Variants in MIB1 observed in about 807,000 individuals in gnomAD.
MIB1 encodes E3 ubiquitin-protein ligase MIB1.
In MIB1, 278 loss-of-function variants were observed where a neutral mutation model predicts 124.5. The observed-to-expected ratio is 2.23, with a 90% CI of 2.02 to 2.47. The LOEUF is 2.47. MIB1 is among the 30% of genes most tolerant of loss of function. The pLI, the probability that MIB1 is intolerant of heterozygous loss-of-function variation, is 0.00. For missense variants in MIB1, 957 were observed against 1,254.4 expected, an observed-to-expected ratio of 0.76 and a Z score of 3.58; for synonymous variants, 446 against 429.4, an observed-to-expected ratio of 1.04 and a Z score of -0.48.
Position 21,844,104 on chromosome 18 carries a change from G to A in MIB1, c.2062G>A (p.Ala688Thr). Residue 688 changes from alanine (A) to threonine (T), a missense_variant, in exon 15 of 21, where the codon GCA becomes ACA. Transcript: ENST00000261537. Reference protein sequence around the residue: ...HTQIVRLLVRAGAKLDIQDKD... With the variant: ...HTQIVRLLVRTGAKLDIQDKD... ...CTTTCTCTTTTAGCTTTTGGTCCGT[G>A]CAGGTGCCAAGCTTGATATTCAGGA... The A allele has an allele frequency of 6.2e-7, 1 of 1,613,944 alleles. No individual in the cohort carries two copies. The highest frequency in any genetic ancestry group is 8.5e-7 in the Non-Finnish European group (1 of 1,180,010).
intron 1 of MIB1, among the ~76,000 whole-genome samples, chr18:21,731,153 TG>T (rs1157160189): frequency 6.6e-6 from 1 of 152,232 alleles, no homozygotes. Context: ...CCTTCTGAAT[TG>T]TACGTACCTG....
chr18:21,734,192 C>T lies in MIB1; in HGVS notation n.167+29069C>T, dbSNP rs139720602. ...CACGATTTTGGCTTATTGCAAGCTC[C>T]GCCTCCCGGGTTCACTCCATTCTGC... On this transcript the variant is annotated intron_variant and non_coding_transcript_variant, in intron 1 of 20. Coordinates refer to the MIB1 transcript ENST00000578646. Among the ~76,000 whole-genome samples the T allele has an allele frequency of 8.2e-3, 1,232 of 149,672 alleles. 19 individuals carry two copies. The highest frequency in any genetic ancestry group is 0.027 in the African/African-American group (1,116 of 40,654).
upstream of MIB1, among the ~76,000 whole-genome samples, chr18:21,738,218 TAACA>T (rs1367637811): frequency 6.6e-6 from 1 of 152,148 alleles, no homozygotes; most frequent in Non-Finnish European, 1.5e-5. Context: ...ATGGAAATCA[TAACA>T]AACAGTCTCT....
Position 21,735,483 on chromosome 18 carries a change from T to A in MIB1, n.168-30289T>A, listed in dbSNP as rs545990349. ...GAGCTAGCTGCAAGGGTTTTTTTTT[T>A]TTTTCATACCCCGGTGGCATCTGGA... On this transcript the variant is annotated intron_variant and non_coding_transcript_variant, in intron 1 of 20. Transcript: ENST00000578646. Among the ~76,000 whole-genome samples, 3 of 152,108 alleles carry A rather than the reference T, an allele frequency of 2.0e-5. No individual in the cohort carries two copies. In the East Asian group the frequency reaches 5.8e-4, roughly 29 times the overall value.
chr18:21,811,516 T>C lies in MIB1; in HGVS notation c.1480-4100T>C, dbSNP rs2041773199. On this transcript the variant is annotated intron_variant, in intron 10 of 20. Coordinates refer to ENST00000261537, the MANE Select transcript of MIB1 (RefSeq NM_020774.4). ...ATGAGCAAAATGTGGTATGTGCTTATAATGGTAGATCATTAAACTTAAAAA... is the reference window on the plus strand; with the variant it reads ...ATGAGCAAAATGTGGTATGTGCTTACAATGGTAGATCATTAAACTTAAAAA... Among the ~76,000 whole-genome samples, 3 of 152,128 alleles carry C rather than the reference T, an allele frequency of 2.0e-5. No individual in the cohort carries two copies. The South Asian group carries it at 6.2e-4, about 31-fold the overall frequency.
chr18:21,850,739 G>A (rs1224920125), intron 17 of MIB1, among the ~76,000 whole-genome samples: 2 of 152,130 alleles, frequency 1.3e-5, no homozygotes, highest in Non-Finnish European at 2.9e-5. Context: ...TTAAATAGGT[G>A]TTAACCCTGC....
Position 21,864,708 on chromosome 18 carries a change from A to G in MIB1, c.*42A>G. 1.3e-6 allele frequency: 2 copies of G among 1,523,944 alleles called. No homozygotes were observed. The highest frequency in any genetic ancestry group is 9.0e-7 in the Non-Finnish European group (1 of 1,107,036). The allele number at this position is 1,523,944 out of a possible 1,614,324, so 94.4% of individuals were successfully genotyped here. A position where few individuals can be genotyped will look rare whatever the true frequency, so the allele number is the denominator to read the frequency against. On this transcript the variant is annotated 3_prime_UTR_variant, in exon 21 of 21. Coordinates refer to ENST00000261537, the MANE Select transcript of MIB1 (RefSeq NM_020774.4). Reference sequence around the variant, plus strand: ...ATTTTGTTAGCTAATGTATCTAGTCATGAGATCTTAATAGGCTTTTGATCT... The same window carrying G: ...ATTTTGTTAGCTAATGTATCTAGTCGTGAGATCTTAATAGGCTTTTGATCT...
At chr18:21,717,549 G>GA (rs373530419) in intron 1 of MIB1, among the ~76,000 whole-genome samples, 4 of 150,504 alleles carry the variant, frequency 2.7e-5, no homozygotes, top group Admixed American at 1.3e-4. Flanking sequence ...AAATTAGCAA[G>GA]AAAAAAAACA....
intron 12 of MIB1, among the ~76,000 whole-genome samples, chr18:21,834,165 A>G (rs1230973375): frequency 1.3e-5 from 2 of 152,166 alleles, no homozygotes; most frequent in Admixed American, 6.5e-5. Context: ...GCCTCATGGA[A>G]AGAAAGGAGA....
At chr18:21,844,794 T>C (rs2042121607) in intron 15 of MIB1, among the ~76,000 whole-genome samples, 1 of 152,186 alleles carries the variant, frequency 6.6e-6, no homozygotes, top group African/African-American at 2.4e-5. Flanking sequence ...GTGGTTTAAT[T>C]TGCATTTTCC....
intron 13 of MIB1, among the ~76,000 whole-genome samples, chr18:21,842,157 C>T (rs1880092358): frequency 6.9e-6 from 1 of 144,650 alleles, no homozygotes; most frequent in East Asian, 2.0e-4. Flanking sequence ...TCTGACCACA[C>T]TTCAAAGAAA....
intron 6 of MIB1, 42 bp from the exon 7 acceptor site, chr18:21,791,332 A>T: frequency 6.6e-7 from 1 of 1,506,790 alleles, no homozygotes; most frequent in Non-Finnish European, 8.9e-7. Context: ...TATTAAAATT[A>T]AGCAAAGCTA....
In MIB1 at chr18:21,791,537, T is replaced by A; in HGVS notation, c.1072T>A (p.Trp358Arg). The stretch of plus-strand genomic sequence containing the variant: ...ACTTCTACAAAGAGGACATGGAGAA[T>A]GGGCTGAAGCGATGCTTCCAGTAAG... ...IKLLQRGHGEWAEAMLPTLGK... is the reference protein window; with the variant it reads ...IKLLQRGHGERAEAMLPTLGK... The change falls in exon 7 of 21, where the codon TGG becomes AGG. Residue 358 changes from tryptophan to arginine, a missense_variant. Physicochemically the swap from Trp to Arg is moderately radical, Grantham distance 101. Transcript: ENST00000261537. The A allele has an allele frequency of 6.2e-7, 1 of 1,613,266 alleles. No homozygotes were observed.
intron 1 of MIB1, among the ~76,000 whole-genome samples, chr18:21,764,803 C>T (rs951849812): frequency 6.6e-6 from 1 of 151,954 alleles, no homozygotes; most frequent in South Asian, 2.1e-4. Flanking sequence ...ATAAAACGAC[C>T]TTTTCAAGGA....
At chr18:21,858,068 A>G (rs1217223343) in intron 19 of MIB1, among the ~76,000 whole-genome samples, 1 of 152,250 alleles carries the variant, frequency 6.6e-6, no homozygotes, top group Non-Finnish European at 1.5e-5. Context: ...TCAGATCAGT[A>G]ATAACGAGGA....
chr18:21,786,748 C>G (rs2041440240), intron 6 of MIB1, among the ~76,000 whole-genome samples: 1 of 152,128 alleles, frequency 6.6e-6, no homozygotes, highest in East Asian at 1.9e-4. Flanking sequence ...TTTTTCATTT[C>G]AACAGATACA....
At chr18:21,722,350 G>A (rs887474875) in intron 1 of MIB1, among the ~76,000 whole-genome samples, 1 of 150,658 alleles carries the variant, frequency 6.6e-6, no homozygotes, top group Admixed American at 6.7e-5. Flanking sequence ...CACCACGCCC[G>A]GCCCAGTCTT....
intron 1 of MIB1, among the ~76,000 whole-genome samples, chr18:21,756,665 TG>T (rs2041035391): frequency 1.3e-5 from 2 of 152,102 alleles, no homozygotes; most frequent in South Asian, 4.1e-4. Context: ...GGTTTCGCCA[TG>T]TTGGCTAGGC....
chr18:21,831,340 C>G (rs2041980318), intron 12 of MIB1: 1 of 147,220 alleles, frequency 6.8e-6, no homozygotes, highest in African/African-American at 2.5e-5. Flanking sequence ...ATCCAGAGGT[C>G]AAGTCTGCAA....
Sources: gnomAD v4.1 joint callset for allele counts (sites outside exome capture counted in the v4.1 genomes callset) on GRCh38, gnomAD v4.1.1 for gene constraint, MANE v1.5 for transcripts, NCBI Gene and HGNC (gene_info 2026-07-23, HGNC 2026-07-21) for gene names.